PIWIL4: variants seen among roughly 807,000 people sequenced by gnomAD.
The protein encoded by PIWIL4 is piwi-like protein 4.
In PIWIL4, 50 loss-of-function variants were observed where a neutral mutation model predicts 100.9. That is an observed-to-expected ratio of 0.50 (90% CI 0.39 to 0.63). The LOEUF is 0.63. Among genes scored for constraint, PIWIL4 ranks in the 20% least tolerant of loss-of-function variants. PIWIL4 has a pLI of 0.00. For missense variants in PIWIL4, 887 were observed against 1,043.3 expected (o/e 0.85, Z 2.06); for synonymous variants, 342 against 367.5 (o/e 0.93, Z 0.79).
rs1948251774 is a variant in PIWIL4 at position 94,577,304 on chromosome 11, G to A, written c.325G>A (p.Val109Ile). ...TGSSGIPVKL[V>I]TNLFNLDFPQ... is the part of the protein sequence containing the mutation. ...TTCCAGTGGAATACCTGTGAAACTG[G>A]TTACAAACCTCTTTAACTTAGATTT... Residue 109 changes from valine to isoleucine, a missense_variant, in exon 4 of 20, where the codon GTT (valine) becomes ATT (isoleucine). Val to Ile is a conservative substitution (Grantham distance 29). Coordinates refer to ENST00000299001, the MANE Select transcript of PIWIL4 (RefSeq NM_152431.3). 1.7e-5 allele frequency: 27 copies of A among 1,613,916 alleles called. No homozygotes were observed. The highest frequency in any genetic ancestry group is 2.3e-5 in the Non-Finnish European group (27 of 1,179,908).
intron 6 of PIWIL4, among the ~76,000 whole-genome samples, chr11:94,586,744 A>T (rs1478245883): frequency 6.6e-6 from 1 of 152,206 alleles, no homozygotes; most frequent in Non-Finnish European, 1.5e-5. Flanking sequence ...GAGGCCAGGG[A>T]AATGCTGCTA....
intron 13 of PIWIL4, among the ~76,000 whole-genome samples, chr11:94,606,628 T>C (rs1591800032): frequency 6.6e-6 from 1 of 152,168 alleles, no homozygotes; most frequent in Admixed American, 6.5e-5. Context: ...AGGTCAGGCA[T>C]TTGAGTCCAG....
chr11:94,592,977 G>A (rs1329946645), intron 8 of PIWIL4, among the ~76,000 whole-genome samples: 1 of 152,182 alleles, frequency 6.6e-6, no homozygotes, highest in Admixed American at 6.5e-5. Context: ...TAGAAGAGCT[G>A]GGGATCAGAT....
rs186691667 is a variant in PIWIL4, at chr11:94,594,647, C to G, written c.1151-662C>G. On this transcript the variant is annotated intron_variant, in intron 9 of 19. Coordinates refer to ENST00000299001, the MANE Select transcript of PIWIL4 (RefSeq NM_152431.3). ...TCCCGGGTTCAAGCGATTTTCCTGC[C>G]TCTGCCTCCCGAGTAGCTGGGATTA... Among the ~76,000 whole-genome samples, 61 of 151,968 alleles carry G rather than the reference C, an allele frequency of 4.0e-4. No homozygotes were observed. The South Asian group carries it at 5.0e-3, about 12-fold the overall frequency.
rs183019829 is a variant in PIWIL4, at chr11:94,573,603, G to A, written c.167-1396G>A. Among the ~76,000 whole-genome samples, 294 of 152,214 alleles carry A rather than the reference G, an allele frequency of 1.9e-3. 2 individuals are homozygous for A. The highest frequency in any genetic ancestry group is 6.8e-3 in the Middle Eastern group (2 of 294). ...TGATGGATTACGTTTATTGATTTGC[G>A]TGTGTTGAACCAGCCTTGCATCCCA... is the stretch of plus-strand genomic sequence containing the variant. On this transcript the variant is annotated intron_variant, in intron 2 of 19. Coordinates refer to ENST00000299001, the MANE Select transcript of PIWIL4 (RefSeq NM_152431.3).
chr11:94,604,177 C>A, intron 13 of PIWIL4, 121 bp downstream of exon 13: 1 of 507,024 alleles, frequency 2.0e-6, no homozygotes, highest in Non-Finnish European at 3.4e-6. Flanking sequence ...CTCCAAAGCA[C>A]CGAAGAAAAT....
At chr11:94,568,658 G>A in intron 1 of PIWIL4, 72 bp from the exon 2 acceptor site, 1 of 1,216,986 alleles carries the variant, frequency 8.2e-7, no homozygotes. Flanking sequence ...ACCTGACACT[G>A]TTCTTAGGAT....
intron 15 of PIWIL4, among the ~76,000 whole-genome samples, chr11:94,611,695 C>A (rs139801522): frequency 6.6e-6 from 1 of 152,050 alleles, no homozygotes; most frequent in African/African-American, 2.4e-5. Context: ...CAACAGCTGG[C>A]GGTTTAAAAG....
intron 16 of PIWIL4, 90 bp from the exon 17 acceptor site, chr11:94,617,864 A>G (rs1046939270): frequency 7.1e-7 from 1 of 1,405,352 alleles, no homozygotes; most frequent in Non-Finnish European, 1.0e-6. Context: ...TGAAATAGCA[A>G]ACCCATTTAA....
chr11:94,607,778 A>G (rs1449022764), intron 14 of PIWIL4, 139 bp downstream of exon 14: 5 of 884,504 alleles, frequency 5.7e-6, no homozygotes, highest in Non-Finnish European at 8.4e-6. Context: ...CTGGCATTCC[A>G]TAAGCCATTG....
chr11:94,602,435 CT>C (rs1271564611), intron 12 of PIWIL4, among the ~76,000 whole-genome samples: 15 of 152,142 alleles, frequency 9.9e-5, no homozygotes, highest in Admixed American at 8.5e-4. Context: ...TTTTCTGATT[CT>C]GTTACTGTAG....
chr11:94,615,230 G>T (rs1948832829), intron 15 of PIWIL4, among the ~76,000 whole-genome samples: 1 of 152,082 alleles, frequency 6.6e-6, no homozygotes, highest in African/African-American at 2.4e-5. Flanking sequence ...GAAAAAAGTG[G>T]GCATCCTAGG....
chr11:94,595,928 C>T (rs906705515), intron 10 of PIWIL4, among the ~76,000 whole-genome samples: 1 of 152,136 alleles, frequency 6.6e-6, no homozygotes, highest in Non-Finnish European at 1.5e-5. Context: ...TGTTTCCGTT[C>T]TTATTTATGA....
Position 94,621,004 on chromosome 11 carries a change from A to C in PIWIL4, c.*12A>C, listed in dbSNP as rs573544409. The C allele has an allele frequency of 1.9e-6, 3 of 1,541,568 alleles. No homozygotes were observed. Among genetic ancestry groups the C allele is most frequent in the Non-Finnish European group, 1.8e-6 (2 of 1,114,206 alleles). On this transcript the variant is annotated 3_prime_UTR_variant, in exon 20 of 20. Coordinates refer to ENST00000299001, the MANE Select transcript of PIWIL4 (RefSeq NM_152431.3). ...TCTTCTACCTGTGATGGCATGAACTACTGGCATCACTAGATGGACAATCCA... is the reference window on the plus strand; with the variant it reads ...TCTTCTACCTGTGATGGCATGAACTCCTGGCATCACTAGATGGACAATCCA...
At chr11:94,600,429 G>A (rs1417605341) in intron 11 of PIWIL4, among the ~76,000 whole-genome samples, 4 of 152,166 alleles carry the variant, frequency 2.6e-5, no homozygotes, top group Non-Finnish European at 4.4e-5. Context: ...CCCACAAGCC[G>A]TAAAACCAGC....
intron 1 of PIWIL4, among the ~76,000 whole-genome samples, chr11:94,568,072 A>G (rs1041017787): frequency 1.4e-4 from 22 of 151,732 alleles, no homozygotes; most frequent in Admixed American, 6.6e-5. Context: ...TTAGGCAACT[A>G]GATTGACCTG....
chr11:94,619,913 A>G, intron 18 of PIWIL4, 28 bp downstream of exon 18: 1 of 1,614,150 alleles, frequency 6.2e-7, no homozygotes, highest in South Asian at 1.1e-5. Context: ...ATCAATTTTT[A>G]ACAAAACATT....
In PIWIL4 at chr11:94,595,301, T is replaced by C; in HGVS notation, c.1151-8T>C. 1 of 1,609,004 alleles carries C rather than the reference T, an allele frequency of 6.2e-7. No homozygotes were observed. The highest frequency in any genetic ancestry group is 8.5e-7 in the Non-Finnish European group (1 of 1,175,952). Reference sequence around the variant, plus strand: ...TTTTCTCACTTTGTCTTCATTTGCATTTAATAGGGCTGACTGACCAGGCAA... The same window carrying C: ...TTTTCTCACTTTGTCTTCATTTGCACTTAATAGGGCTGACTGACCAGGCAA... On this transcript the variant is annotated splice_polypyrimidine_tract_variant and splice_region_variant and intron_variant, in intron 9 of 19. Coordinates refer to ENST00000299001, the MANE Select transcript of PIWIL4 (RefSeq NM_152431.3).
chr11:94,605,608 T>C (rs1948706049), intron 13 of PIWIL4, among the ~76,000 whole-genome samples: 1 of 152,210 alleles, frequency 6.6e-6, no homozygotes, highest in Non-Finnish European at 1.5e-5. Flanking sequence ...TTTTACCCAT[T>C]TGTCTTAGCA....
Sources: allele counts gnomAD v4.1 joint callset (sites outside exome capture counted in the v4.1 genomes callset), GRCh38; gene constraint gnomAD v4.1.1; transcripts MANE v1.5; gene names NCBI Gene and HGNC (gene_info 2026-07-23, HGNC 2026-07-21).